DLGAP2: variants seen among roughly 807,000 people sequenced by gnomAD.
DLGAP2 encodes the protein disks large-associated protein 2.
In DLGAP2, 26 loss-of-function variants were observed where a neutral mutation model predicts 100.3. The ratio of observed to expected loss-of-function variants is 0.26; its 90% CI spans 0.19 to 0.36. The LOEUF (loss-of-function observed/expected upper bound fraction) is 0.36. Ranked by LOEUF, DLGAP2 falls within the 10% of genes least tolerant of loss-of-function variation. DLGAP2 has a pLI of 1.00. For missense variants in DLGAP2, 1,858 were observed against 1,453.2 expected (o/e 1.28, Z -4.53); for synonymous variants, 886 against 630.1 (o/e 1.41, Z -6.08).
intron 3 of DLGAP2, among the ~76,000 whole-genome samples, chr8:1,478,491 T>G (rs545634471): frequency 5.6e-4 from 85 of 152,314 alleles, no homozygotes; most frequent in African/African-American, 2.0e-3. Context: ...TTCTGGCCAC[T>G]CTTGCTCCAC....
At chr8:1,477,078 C>T (rs889342576) in intron 3 of DLGAP2, among the ~76,000 whole-genome samples, 2 of 152,402 alleles carry the variant, frequency 1.3e-5, no homozygotes, top group East Asian at 3.9e-4. Flanking sequence ...CACAATTAAT[C>T]ACGTCACTGC....
At chr8:1,435,276 G>T (rs751309747) in intron 3 of DLGAP2, among the ~76,000 whole-genome samples, 1 of 152,198 alleles carries the variant, frequency 6.6e-6, no homozygotes, top group Non-Finnish European at 1.5e-5. Flanking sequence ...GAATAAATGT[G>T]AGTTAAGTGC....
chr8:1,043,884 G>T (rs1406438199), intron 2 of DLGAP2, among the ~76,000 whole-genome samples: 1 of 152,062 alleles, frequency 6.6e-6, no homozygotes, highest in Non-Finnish European at 1.5e-5. Context: ...CCTCGCTGCT[G>T]GGCTCCAGGA....
chr8:1,632,870 A>G lies in DLGAP2; in HGVS notation c.1634A>G (p.Glu545Gly), dbSNP rs759841113. The G allele has an allele frequency of 6.2e-7, 1 of 1,613,862 alleles. No homozygotes were observed. The highest frequency in any genetic ancestry group is 8.5e-7 in the Non-Finnish European group (1 of 1,179,826). The change falls in exon 8 of 15, where the codon GAG becomes GGG. Residue 545 changes from glutamate (E) to glycine (G), a missense_variant. Transcript: ENST00000637795. ...EINGQFESVC[E>G]SVFSEVESQA... is the part of the protein sequence containing the mutation. Reference sequence around the variant, plus strand: ...AATGGGCAATTCGAGTCCGTGTGCGAGTCCGTCTTCAGTGAAGTTGAATCT... The same window carrying G: ...AATGGGCAATTCGAGTCCGTGTGCGGGTCCGTCTTCAGTGAAGTTGAATCT...
Position 1,656,443 on chromosome 8 carries a change from T to C in DLGAP2, c.1811-11886T>C, listed in dbSNP as rs188165993. Among the ~76,000 whole-genome samples the C allele has an allele frequency of 2.0e-3, 311 of 152,270 alleles. 5 individuals are homozygous for C. The highest frequency in any genetic ancestry group is 4.1e-4 in the Non-Finnish European group (28 of 68,010). The stretch of plus-strand genomic sequence containing the variant: ...TAGGCATTTTCAATGGGTAGCAGTC[T>C]CCCACCCCTTCACTCTGCCAACACT... On this transcript the variant is annotated intron_variant, in intron 8 of 14. Coordinates refer to ENST00000637795, the MANE Select transcript of DLGAP2 (RefSeq NM_001346810.2).
At chr8:1,362,270 G>T (rs995674842) in intron 3 of DLGAP2, among the ~76,000 whole-genome samples, 4 of 152,072 alleles carry the variant, frequency 2.6e-5, no homozygotes, top group Non-Finnish European at 5.9e-5. Flanking sequence ...CTCAGGGCCA[G>T]GCAGGTAAAC....
At chr8:849,527 A>C (rs1365882950) in intron 1 of DLGAP2, among the ~76,000 whole-genome samples, 1 of 152,316 alleles carries the variant, frequency 6.6e-6, no homozygotes, top group East Asian at 1.9e-4. Context: ...AGAAGCTGCC[A>C]AGCTGCTTTC....
chr8:1,493,305 T>C (rs1799447629), intron 3 of DLGAP2, among the ~76,000 whole-genome samples: 3 of 152,080 alleles, frequency 2.0e-5, no homozygotes, highest in African/African-American at 7.2e-5. Context: ...CACAGACGGC[T>C]GCCTCCATCT....
chr8:1,183,278 A>G (rs1159137911), intron 2 of DLGAP2, among the ~76,000 whole-genome samples: 2 of 152,330 alleles, frequency 1.3e-5, no homozygotes, highest in Middle Eastern at 3.4e-3. Context: ...AGACTCCAGA[A>G]TAATATCAGT....
At chr8:849,010 C>G (rs1247866026) in intron 1 of DLGAP2, among the ~76,000 whole-genome samples, 1 of 149,182 alleles carries the variant, frequency 6.7e-6, no homozygotes, top group Non-Finnish European at 1.5e-5. Flanking sequence ...CGTGAGGTGC[C>G]TGTTCCAGTA....
chr8:955,802 T>G (rs1225173187), intron 2 of DLGAP2, among the ~76,000 whole-genome samples: 7 of 152,204 alleles, frequency 4.6e-5, no homozygotes, highest in Non-Finnish European at 8.8e-5. Context: ...TATCTTACCT[T>G]GTTGAACAAA....
At chr8:1,067,463 A>C (rs911295630) in intron 2 of DLGAP2, among the ~76,000 whole-genome samples, 1 of 152,126 alleles carries the variant, frequency 6.6e-6, no homozygotes, top group Admixed American at 6.5e-5. Context: ...GGAGGGGGCC[A>C]CGCTGAGGAA....
At chr8:1,120,143 C>T (rs1002413864) in intron 2 of DLGAP2, among the ~76,000 whole-genome samples, 6 of 152,120 alleles carry the variant, frequency 3.9e-5, no homozygotes, top group Non-Finnish European at 8.8e-5. Context: ...GGTCTGTGGA[C>T]GTAACCCTAC....
intron 3 of DLGAP2, among the ~76,000 whole-genome samples, chr8:1,304,376 G>A (rs6989900): frequency 0.26 from 38,809 of 152,146 alleles, 5,318 homozygotes; most frequent in African/African-American, 0.32. Context: ...GGAACGAGGA[G>A]GAATTTCAAG....
At chr8:884,444 G>C (rs1797881941) in intron 1 of DLGAP2, among the ~76,000 whole-genome samples, 2 of 151,818 alleles carry the variant, frequency 1.3e-5, no homozygotes, top group Admixed American at 1.3e-4. Context: ...CTTCTTTTGA[G>C]AAATGTCTGT....
chr8:1,103,412 G>C (rs567998076), intron 2 of DLGAP2, among the ~76,000 whole-genome samples: 4 of 151,512 alleles, frequency 2.6e-5, no homozygotes, highest in Non-Finnish European at 5.9e-5. Context: ...CTTGTTTAAC[G>C]GTGATGACTG....
chr8:1,371,972 T>A (rs1802248569), intron 3 of DLGAP2, among the ~76,000 whole-genome samples: 1 of 152,216 alleles, frequency 6.6e-6, no homozygotes, highest in Admixed American at 6.5e-5. Flanking sequence ...AAGAGTTTCT[T>A]ATGAACATAG....
chr8:1,178,315 C>A (rs1038536368), intron 2 of DLGAP2, among the ~76,000 whole-genome samples: 6 of 152,162 alleles, frequency 3.9e-5, no homozygotes, highest in Admixed American at 1.3e-4. Flanking sequence ...GCAAGACCTG[C>A]GCTTGGAGAG....
At chr8:1,686,541 G>A (rs1274597669) in intron 12 of DLGAP2, among the ~76,000 whole-genome samples, 1 of 152,100 alleles carries the variant, frequency 6.6e-6, no homozygotes, top group Admixed American at 6.6e-5. Flanking sequence ...GGTGGCGCAC[G>A]CCTGTAATCC....
Sources: gnomAD v4.1 joint callset for allele counts (sites outside exome capture counted in the v4.1 genomes callset) on GRCh38, gnomAD v4.1.1 for gene constraint, MANE v1.5 for transcripts, NCBI Gene and HGNC (gene_info 2026-07-23, HGNC 2026-07-21) for gene names.